ANGPT1: variants seen among roughly 807,000 people sequenced by gnomAD.
The protein encoded by ANGPT1 is angiopoietin-1.
Under a neutral mutation model 62.2 loss-of-function variants are expected in ANGPT1, and 17 were observed. That is an observed-to-expected ratio of 0.27 (90% CI 0.19 to 0.41). The LOEUF is 0.41. Ranked by LOEUF, ANGPT1 falls within the 10% of genes least tolerant of loss-of-function variation. The pLI is 1.00. For synonymous variants in ANGPT1, 199 were observed against 198.9 expected (o/e 1.00, Z 0.00); for missense variants, 478 against 594.9 (o/e 0.80, Z 2.04).
intron 1 of ANGPT1, among the ~76,000 whole-genome samples, chr8:107,377,842 T>C (rs1417171686): frequency 6.6e-6 from 1 of 152,092 alleles, no homozygotes; most frequent in Non-Finnish European, 1.5e-5. Context: ...GAAGAAAAGA[T>C]GGCCCAAAGA....
chr8:107,441,193 G>A (rs12541987), intron 1 of ANGPT1, among the ~76,000 whole-genome samples: 43,745 of 151,990 alleles, frequency 0.29, 7,592 homozygotes, highest in Middle Eastern at 0.44. Context: ...TAAGTCAACC[G>A]ACAGAAAATT....
chr8:107,484,736 G>T (rs1368768122), intron 1 of ANGPT1, among the ~76,000 whole-genome samples: 1 of 152,190 alleles, frequency 6.6e-6, no homozygotes, highest in Non-Finnish European at 1.5e-5. Flanking sequence ...CTATGTGGCA[G>T]AACATCCAGT....
intron 1 of ANGPT1, among the ~76,000 whole-genome samples, chr8:107,441,400 C>G (rs1811471181): frequency 6.6e-6 from 1 of 152,174 alleles, no homozygotes; most frequent in Non-Finnish European, 1.5e-5. Context: ...ACCAGGTTCC[C>G]TCTGAGTTCA....
intron 4 of ANGPT1, among the ~76,000 whole-genome samples, chr8:107,315,349 C>T (rs760583231): frequency 1.1e-4 from 17 of 152,096 alleles, no homozygotes; most frequent in Non-Finnish European, 2.4e-4. Context: ...TCCTCTACTC[C>T]GTGTGCCTCC....
intron 1 of ANGPT1, among the ~76,000 whole-genome samples, chr8:107,363,719 C>A (rs1816215033): frequency 1.3e-5 from 2 of 151,988 alleles, no homozygotes; most frequent in Non-Finnish European, 2.9e-5. Context: ...GATTAAACTG[C>A]CTCAGTGGGC....
intron 1 of ANGPT1, among the ~76,000 whole-genome samples, chr8:107,363,087 CTTT>C (rs34681033): frequency 8.7e-5 from 12 of 137,652 alleles, no homozygotes; most frequent in East Asian, 4.2e-4. Flanking sequence ...AACCTGAGTG[CTTT>C]TTTTTTTTTT....
chr8:107,430,422 T>C (rs1811152051), intron 1 of ANGPT1, among the ~76,000 whole-genome samples: 1 of 152,220 alleles, frequency 6.6e-6, no homozygotes, highest in African/African-American at 2.4e-5. Context: ...AACTATACTT[T>C]GAGCTCCTTG....
intron 2 of ANGPT1, among the ~76,000 whole-genome samples, chr8:107,345,902 GT>G (rs1361211906): frequency 6.6e-6 from 1 of 152,098 alleles, no homozygotes; most frequent in Non-Finnish European, 1.5e-5. Flanking sequence ...AATTATTAGT[GT>G]TACTAATCAA....
intron 5 of ANGPT1, among the ~76,000 whole-genome samples, chr8:107,296,788 G>T (rs1814426680): frequency 1.3e-5 from 2 of 152,022 alleles, no homozygotes; most frequent in South Asian, 2.1e-4. Flanking sequence ...GACACTGATT[G>T]CCTGAAAGTT....
At chr8:107,308,162 C>T (rs2129998580) in intron 4 of ANGPT1, among the ~76,000 whole-genome samples, 1 of 152,196 alleles carries the variant, frequency 6.6e-6, no homozygotes, top group South Asian at 2.1e-4. Context: ...CATAAGAAAG[C>T]CCAAGCCTGC....
chr8:107,341,174 A>G (rs1815688534), intron 2 of ANGPT1, among the ~76,000 whole-genome samples: 1 of 152,208 alleles, frequency 6.6e-6, no homozygotes, highest in Non-Finnish European at 1.5e-5. Flanking sequence ...TGTCTCCTGA[A>G]GAGATCCAAT....
At chr8:107,274,527 A>G (rs1813813976) in intron 7 of ANGPT1, among the ~76,000 whole-genome samples, 1 of 152,130 alleles carries the variant, frequency 6.6e-6, no homozygotes, top group South Asian at 2.1e-4. Flanking sequence ...TTGCAGTTAA[A>G]GATAAAAGAG....
chr8:107,481,194 G>A (rs972397099), intron 1 of ANGPT1, among the ~76,000 whole-genome samples: 24 of 152,164 alleles, frequency 1.6e-4, no homozygotes, highest in Non-Finnish European at 2.5e-4. Flanking sequence ...CCACCTTACA[G>A]TCCTGATTTG....
intron 1 of ANGPT1, among the ~76,000 whole-genome samples, chr8:107,348,539 GA>G (rs1412829967): frequency 2.6e-5 from 4 of 151,690 alleles, no homozygotes; most frequent in East Asian, 3.9e-4. Context: ...ACATAGGAGG[GA>G]AAAAAATTCA....
At chr8:107,316,768 A>G (rs966048043) in intron 4 of ANGPT1, among the ~76,000 whole-genome samples, 1 of 152,116 alleles carries the variant, frequency 6.6e-6, no homozygotes, top group Non-Finnish European at 1.5e-5. Flanking sequence ...TGACTTCTGG[A>G]AAATAAACAT....
At chr8:107,303,914 A>G (rs1310449566) in intron 4 of ANGPT1, among the ~76,000 whole-genome samples, 3 of 151,946 alleles carry the variant, frequency 2.0e-5, no homozygotes, top group Admixed American at 2.0e-4. Flanking sequence ...TTACCAACAA[A>G]ACAAAGCAAA....
At chr8:107,411,902 G>T (rs1203233433) in intron 1 of ANGPT1, among the ~76,000 whole-genome samples, 2 of 152,164 alleles carry the variant, frequency 1.3e-5, no homozygotes, top group African/African-American at 4.8e-5. Context: ...GTGGTTGTAT[G>T]GTGGAAGGAG....
chr8:107,478,683 ATGTTTTGGGTATGT>A (rs1268532171), intron 1 of ANGPT1, among the ~76,000 whole-genome samples: 1 of 152,176 alleles, frequency 6.6e-6, no homozygotes, highest in African/African-American at 2.4e-5. Context: ...TTCATTGTGA[ATGTTTTGGGTATGT>A]TCCTTGTCAA....
intron 1 of ANGPT1, among the ~76,000 whole-genome samples, chr8:107,384,148 C>A (rs1816690148): frequency 6.6e-6 from 1 of 152,044 alleles, no homozygotes; most frequent in African/African-American, 2.4e-5. Flanking sequence ...GTTCAGCTTG[C>A]AAGTCTTGAA....
Sources: allele counts gnomAD v4.1 joint callset (sites outside exome capture counted in the v4.1 genomes callset), GRCh38; gene constraint gnomAD v4.1.1; transcripts MANE v1.5; gene names NCBI Gene and HGNC (gene_info 2026-07-23, HGNC 2026-07-21).